NCBP1: variants seen among roughly 807,000 people sequenced by gnomAD.
NCBP1 encodes the protein nuclear cap binding protein subunit 1.
NCBP1 carries 16 observed loss-of-function variants against 111.7 expected under a neutral mutation model. The observed-to-expected ratio is 0.14, with a 90% confidence interval of 0.10 to 0.22. NCBP1 has a LOEUF of 0.22. Ranked by LOEUF, NCBP1 falls within the 10% of genes least tolerant of loss-of-function variation. The pLI is 1.00. For synonymous variants in NCBP1, 304 were observed against 314.3 expected, an observed-to-expected ratio of 0.97 and a Z score of 0.35; for missense variants, 607 against 957.5, an observed-to-expected ratio of 0.63 and a Z score of 4.83.
intron 20 of NCBP1, 53 bp downstream of exon 20, chr9:97,666,930 G>GAATCCTCTCCAGAGTTTCT: frequency 3.1e-6 from 4 of 1,276,166 alleles, no homozygotes; most frequent in Non-Finnish European, 4.4e-6. Context: ...CAGAAACTCT[G>GAATCCTCTCCAGAGTTTCT]GAGAGGATTC....
chr9:97,670,491 T>C (rs1277165282), intron 22 of NCBP1, among the ~76,000 whole-genome samples: 2 of 152,196 alleles, frequency 1.3e-5, no homozygotes, highest in African/African-American at 2.4e-5. Context: ...CTCCCCTAAA[T>C]CTTCATTTGT....
rs1827748584 is a variant in NCBP1, at chr9:97,658,854, T to G, written c.1477+111T>G. 1.6e-5 allele frequency: 13 copies of G among 798,036 alleles called. No homozygotes were observed. The South Asian group carries it at 2.0e-4, about 12-fold the overall frequency. 49.4% of individuals were successfully genotyped at this position (798,036 alleles called of 1,614,324 possible). A position where few individuals can be genotyped will look rare whatever the true frequency, so the allele number is the denominator to read the frequency against. On this transcript the variant is annotated intron_variant, in intron 15 of 22. Transcript: ENST00000375147. The stretch of plus-strand genomic sequence containing the variant: ...ACTTTTTCTTTTCTTGGGGTTTATA[T>G]TTCCTGTATTTGAAAGGTGGTCTAT...
chr9:97,670,959 C>T, intron 22 of NCBP1, 127 bp from the exon 23 acceptor site: 3 of 546,090 alleles, frequency 5.5e-6, no homozygotes, highest in Non-Finnish European at 9.8e-6. Context: ...TTGTTCCTAT[C>T]AGCACTTTTT....
Position 97,645,474 on chromosome 9 carries a change from G to A in NCBP1, c.490-137G>A. On this transcript the variant is annotated intron_variant, in intron 5 of 22. Coordinates refer to ENST00000375147, the MANE Select transcript of NCBP1 (RefSeq NM_002486.5). ...AGTAAGATTAGAACTAATATATCTA[G>A]AAATGCTCTGTATAAACCAGATGTC... 5.3e-6 allele frequency: 5 copies of A among 938,576 alleles called. No individual in the cohort carries two copies. In the South Asian group the frequency reaches 8.9e-5, roughly 17 times the overall value. 58.1% of individuals were successfully genotyped at this position (938,576 alleles called of 1,614,324 possible).
chr9:97,643,045 C>G (rs1014802642), intron 3 of NCBP1, among the ~76,000 whole-genome samples, 159 bp from the exon 4 acceptor site: 6 of 152,122 alleles, frequency 3.9e-5, no homozygotes, highest in African/African-American at 1.4e-4. Flanking sequence ...ATGTCTGTAA[C>G]ATTTCTCAAT....
intron 3 of NCBP1, 72 bp downstream of exon 3, chr9:97,641,734 CA>C: frequency 7.3e-7 from 1 of 1,372,226 alleles, no homozygotes; most frequent in Non-Finnish European, 9.7e-7. Context: ...GGGAAATGTT[CA>C]AAATACATGT....
Position 97,664,326 on chromosome 9 carries a change from TTC to T in NCBP1, c.1798-9_1798-8del, listed in dbSNP as rs755834315. ...GTGTGTGTGTGATTTACTTGAATAA[TTC>T]TCTCATTGTAGATGATTGCTGTACT... On this transcript the variant is annotated splice_polypyrimidine_tract_variant and intron_variant, in intron 18 of 22. Coordinates refer to ENST00000375147, the MANE Select transcript of NCBP1 (RefSeq NM_002486.5). The T allele has an allele frequency of 2.2e-5, 33 of 1,529,138 alleles. No homozygotes were observed. The highest frequency in any genetic ancestry group is 2.0e-4 in the East Asian group (9 of 44,278). 94.7% of individuals were successfully genotyped at this position (1,529,138 alleles called of 1,614,324 possible). A position where few individuals can be genotyped will look rare whatever the true frequency, so the allele number is the denominator to read the frequency against.
chr9:97,663,905 G>A (rs544264515), intron 18 of NCBP1, among the ~76,000 whole-genome samples: 76 of 151,976 alleles, frequency 5.0e-4, no homozygotes, highest in Non-Finnish European at 8.8e-4. Context: ...CAGGCCAGGC[G>A]TGGTGGCTCT....
rs780356233 is a variant in NCBP1 at position 97,656,096 on chromosome 9, T to C, written c.1373+11T>C. 1.2e-6 allele frequency: 2 copies of C among 1,606,402 alleles called. No homozygotes were observed. The highest frequency in any genetic ancestry group is 1.1e-5 in the South Asian group (1 of 90,910). ...AGAAAAATGTATGAGGTAAGTTTTTTGTGTTTTCTCCTTTTAACTTCTTTG... is the reference window on the plus strand; with the variant it reads ...AGAAAAATGTATGAGGTAAGTTTTTCGTGTTTTCTCCTTTTAACTTCTTTG... On this transcript the variant is annotated intron_variant, in intron 14 of 22. Transcript: ENST00000375147.
At chr9:97,657,931 T>A (rs960390495) in intron 14 of NCBP1, among the ~76,000 whole-genome samples, 1,623 of 130,362 alleles carry the variant, frequency 0.012, 24 homozygotes, top group African/African-American at 0.056. Context: ...TATATATTTT[T>A]TTTTTTTTTT....
At chr9:97,636,756 A>G (rs1247134268) in intron 1 of NCBP1, among the ~76,000 whole-genome samples, 1 of 151,036 alleles carries the variant, frequency 6.6e-6, no homozygotes, top group Admixed American at 6.6e-5. Flanking sequence ...ATATAAAGAT[A>G]GAGCCTCCCC....
intron 1 of NCBP1, among the ~76,000 whole-genome samples, chr9:97,636,578 A>C (rs1486608286): frequency 6.9e-6 from 1 of 145,268 alleles, no homozygotes; most frequent in African/African-American, 2.5e-5. Context: ...ATACTCTAAT[A>C]TATATTTTAC....
At chr9:97,662,815 C>G in intron 17 of NCBP1, 139 bp from the exon 18 acceptor site, 1 of 613,782 alleles carries the variant, frequency 1.6e-6, no homozygotes, top group Non-Finnish European at 2.7e-6. Flanking sequence ...ACACTTTTTG[C>G]ATCCTTAATG....
chr9:97,666,913 A>G (rs1298835951), intron 20 of NCBP1, 36 bp downstream of exon 20: 2 of 1,370,626 alleles, frequency 1.5e-6, no homozygotes, highest in Admixed American at 2.2e-5. Flanking sequence ...AGTTAAAGAA[A>G]ATATACCAGA....
rs781283188 is a variant in NCBP1 at position 97,645,219 on chromosome 9, C to T, written c.484C>T (p.Pro162Ser). The T allele has an allele frequency of 1.6e-5, 25 of 1,609,372 alleles. 1 individual carries two copies. Among genetic ancestry groups the T allele is most frequent in the Non-Finnish European group, 2.0e-5 (24 of 1,176,102 alleles). Reference sequence around the variant, plus strand: ...AAGCGTAACTCAGGAAGAAGATGTACCTCAGGTAAGAGAACCCCTCATGCT... The same window carrying T: ...AAGCGTAACTCAGGAAGAAGATGTATCTCAGGTAAGAGAACCCCTCATGCT... ...FVSVTQEEDV[P>S]QVRRDWYVYA... Residue 162 changes from proline (P) to serine (S), a missense_variant, in exon 5 of 23, where the codon CCT becomes TCT. By Grantham distance (74) the Pro-to-Ser change is moderately conservative (BLOSUM62 -1). Around this residue, in one of 9 missense-constraint regions of NCBP1, gnomAD observed 185 missense variants for 272.0 expected, o/e 0.68. Transcript: ENST00000375147.
At chr9:97,645,312 CT>C in intron 5 of NCBP1, 88 bp downstream of exon 5, 1 of 1,042,020 alleles carries the variant, frequency 9.6e-7, no homozygotes, top group Non-Finnish European at 1.5e-6. Context: ...GAATTTTTCG[CT>C]GATAACCCAT....
chr9:97,639,277 C>T (rs1827137628), intron 1 of NCBP1, among the ~76,000 whole-genome samples: 3 of 152,104 alleles, frequency 2.0e-5, no homozygotes, highest in Admixed American at 6.6e-5. Flanking sequence ...TACCCTGTAA[C>T]CTTTATAATA....
chr9:97,656,498 C>T (rs1827658486), intron 14 of NCBP1, among the ~76,000 whole-genome samples: 1 of 152,068 alleles, frequency 6.6e-6, no homozygotes, highest in Admixed American at 6.5e-5. Flanking sequence ...GTCCTTTGAG[C>T]CAAGATGGCG....
In NCBP1 at chr9:97,671,211, TC is replaced by T. The variant is rs957925178; in HGVS notation, c.*14del. The T allele has an allele frequency of 1.6e-5, 25 of 1,548,686 alleles. No individual in the cohort carries two copies. Among genetic ancestry groups the T allele is most frequent in the Non-Finnish European group, 2.1e-5 (24 of 1,132,614 alleles). On this transcript the variant is annotated 3_prime_UTR_variant, in exon 23 of 23. Coordinates refer to ENST00000375147, the MANE Select transcript of NCBP1 (RefSeq NM_002486.5). ...CCCTGCAGGCCTAAGGGTCATTTTT[TC>T]CTCATGTCAAGGTTTTTTTTGATAT...
Sources: allele counts gnomAD v4.1 joint callset (sites outside exome capture counted in the v4.1 genomes callset), GRCh38; gene constraint gnomAD v4.1.1; regional missense constraint gnomAD v4.1.1; transcripts MANE v1.5; gene names NCBI Gene and HGNC (gene_info 2026-07-23, HGNC 2026-07-21).